CLVS1: variants seen among roughly 807,000 people sequenced by gnomAD.
CLVS1 encodes clavesin 1, also known as clavesin-1.
A neutral mutation model predicts 33.1 loss-of-function variants in CLVS1; 10 were observed. That is an observed-to-expected ratio of 0.30 (90% CI 0.19 to 0.51). CLVS1 has a LOEUF of 0.51. Ranked by LOEUF, CLVS1 falls within the 20% of genes least tolerant of loss-of-function variation. CLVS1 has a pLI of 0.97. For synonymous variants in CLVS1, 163 were observed against 166.1 expected (o/e 0.98, Z 0.14); for missense variants, 343 against 433.4 (o/e 0.79, Z 1.85).
At chr8:61,432,095 C>T (rs575458614) in intron 3 of CLVS1, among the ~76,000 whole-genome samples, 32 of 152,246 alleles carry the variant, frequency 2.1e-4, no homozygotes, top group African/African-American at 7.0e-4. Flanking sequence ...GTGCAATGCT[C>T]ATCTATGTTA....
At chr8:60,977,632 G>A in the CLVS1 span, among the ~76,000 whole-genome samples, 1 of 152,278 alleles carries the variant, frequency 6.6e-6, no homozygotes, top group East Asian at 1.9e-4. Context: ...AGTCTAAGGA[G>A]CAGAAAGAAA....
intron 3 of CLVS1, among the ~76,000 whole-genome samples, chr8:61,436,076 A>G (rs1250991692): frequency 1.3e-5 from 2 of 152,194 alleles, no homozygotes; most frequent in African/African-American, 4.8e-5. Context: ...TTCTCATATA[A>G]TGTCAGCTCA....
intron 1 of CLVS1, among the ~76,000 whole-genome samples, chr8:61,087,544 A>G (rs1585600240): frequency 6.6e-6 from 1 of 152,158 alleles, no homozygotes; most frequent in East Asian, 1.9e-4. Flanking sequence ...TGTAGAGAAG[A>G]GGAGTAGAAC....
rs56322834 is a variant in CLVS1, at chr8:61,059,475, C to CATATATATATATATATATATATATATAT, written c.-243+2270_-243+2271insTATATATATATATATATATATATATATA. ...ACACACACATATACATACATACATA[C>CATATATATATATATATATATATATATAT]ATATATATATATATATATATATATA... On this transcript the variant is annotated intron_variant, in intron 1 of 2. Transcript: ENST00000522621. Among the ~76,000 whole-genome samples the CATATATATATATATATATATATATATAT allele has an allele frequency of 1.1e-3, 55 of 50,178 alleles. 8 individuals carry two copies. The highest frequency in any genetic ancestry group is 2.0e-3 in the Non-Finnish European group (50 of 25,066). The allele number at this position is 50,178 out of a possible 152,430, so 32.9% of individuals were successfully genotyped here.
At chr8:61,246,865 C>T (rs1808821399) in intron 2 of CLVS1, among the ~76,000 whole-genome samples, 1 of 151,994 alleles carries the variant, frequency 6.6e-6, no homozygotes, top group Admixed American at 6.6e-5. Context: ...TAGATAACTA[C>T]ATGTCATGGG....
At chr8:61,337,011 G>A (rs546559324) in intron 2 of CLVS1, among the ~76,000 whole-genome samples, 1 of 152,202 alleles carries the variant, frequency 6.6e-6, no homozygotes, top group South Asian at 2.1e-4. Flanking sequence ...ATTGTTCCAG[G>A]GTAAAAATTT....
intron 1 of CLVS1, chr8:61,131,645 C>G (rs145447551): frequency 9.4e-4 from 142 of 150,346 alleles, no homozygotes; most frequent in African/African-American, 3.0e-3. Context: ...TTACTTAATG[C>G]AAAGAACTTC....
the CLVS1 span, among the ~76,000 whole-genome samples, chr8:61,018,812 A>G: frequency 2.6e-5 from 4 of 152,186 alleles, no homozygotes; most frequent in African/African-American, 9.7e-5. Flanking sequence ...ACCTCCATTC[A>G]TGTTATTGTC....
chr8:61,156,082 TG>T (rs1020885342), intron 2 of CLVS1, among the ~76,000 whole-genome samples: 2 of 152,042 alleles, frequency 1.3e-5, no homozygotes, highest in African/African-American at 4.8e-5. Context: ...GGCGTGGTGG[TG>T]GGTGCTTGTA....
At chr8:61,303,035 G>A (rs924401190) in intron 2 of CLVS1, among the ~76,000 whole-genome samples, 2 of 152,122 alleles carry the variant, frequency 1.3e-5, no homozygotes, top group South Asian at 2.1e-4. Context: ...CTCCAAGACT[G>A]AGGATTGCAA....
chr8:61,286,820 A>C (rs1015067613), upstream of CLVS1, among the ~76,000 whole-genome samples: 3 of 152,240 alleles, frequency 2.0e-5, no homozygotes, highest in African/African-American at 7.2e-5. Flanking sequence ...TTATCTTGGC[A>C]AAAAGAAAAT....
chr8:61,388,210 AG>A (rs1814162341), intron 3 of CLVS1, among the ~76,000 whole-genome samples: 1 of 151,784 alleles, frequency 6.6e-6, no homozygotes, highest in South Asian at 2.1e-4. Flanking sequence ...CCCCAATGGT[AG>A]TCACTATCTT....
chr8:61,243,515 T>C (rs1040637238), intron 2 of CLVS1, among the ~76,000 whole-genome samples: 3 of 152,210 alleles, frequency 2.0e-5, no homozygotes, highest in African/African-American at 4.8e-5. Context: ...TAGTTGTCTA[T>C]CACTGTCACC....
chr8:61,126,889 C>T (rs147014004), intron 1 of CLVS1, among the ~76,000 whole-genome samples: 1 of 152,208 alleles, frequency 6.6e-6, no homozygotes, highest in Non-Finnish European at 1.5e-5. Context: ...AATGGTATTC[C>T]CTTAAGTAGC....
At chr8:61,014,471 T>C in the CLVS1 span, among the ~76,000 whole-genome samples, 1 of 152,156 alleles carries the variant, frequency 6.6e-6, no homozygotes, top group Non-Finnish European at 1.5e-5. Flanking sequence ...TTCTAGGAAT[T>C]AAAGGAGTAT....
chr8:61,329,189 T>C (rs1585809399), intron 2 of CLVS1, among the ~76,000 whole-genome samples: 2 of 150,612 alleles, frequency 1.3e-5, no homozygotes, highest in South Asian at 4.2e-4. Flanking sequence ...GGCAGCATCT[T>C]CCTACCCCTC....
intron 2 of CLVS1, among the ~76,000 whole-genome samples, chr8:61,361,198 C>T (rs982051905): frequency 1.3e-5 from 2 of 152,192 alleles, no homozygotes. Context: ...CACCTCCCAC[C>T]AGGCCCCACC....
chr8:61,465,423 A>G (rs1403779873), intron 5 of CLVS1: 1 of 152,156 alleles, frequency 6.6e-6, no homozygotes, highest in Admixed American at 6.5e-5. Flanking sequence ...TCAGTGAATG[A>G]CTGGTTCTAA....
chr8:61,065,161 C>G (rs928065298), intron 1 of CLVS1, among the ~76,000 whole-genome samples: 1 of 152,180 alleles, frequency 6.6e-6, no homozygotes, highest in Admixed American at 6.5e-5. Context: ...CTTATGTAAA[C>G]GATGTGGTAT....
Sources: allele counts gnomAD v4.1 joint callset (sites outside exome capture counted in the v4.1 genomes callset), GRCh38; gene constraint gnomAD v4.1.1; transcripts MANE v1.5; gene names NCBI Gene and HGNC (gene_info 2026-07-23, HGNC 2026-07-21).